Variants in ZFHX3 observed in about 807,000 individuals in gnomAD.
ZFHX3 encodes zinc finger homeobox protein 3.
In ZFHX3, 42 loss-of-function variants were observed where a neutral mutation model predicts 279.1. The observed-to-expected ratio is 0.15, with a 90% CI of 0.12 to 0.19. The LOEUF is 0.19. Among genes scored for constraint, ZFHX3 ranks in the 10% least tolerant of loss-of-function variants. The pLI is 1.00. For missense variants in ZFHX3, 4,981 were observed against 4,754.0 expected (o/e 1.05, Z -1.40); for synonymous variants, 2,293 against 1,957.8 (o/e 1.17, Z -4.52).
chr16:73,202,883 A>G (rs2011657838), intron 5 of ZFHX3, among the ~76,000 whole-genome samples: 1 of 145,770 alleles, frequency 6.9e-6, no homozygotes, highest in African/African-American at 2.5e-5. Context: ...CTGGGGTGCC[A>G]CAAGGCTTCA....
intron 8 of ZFHX3, 30 bp from the exon 9 acceptor site, chr16:72,798,744 A>C: frequency 6.6e-7 from 1 of 1,512,868 alleles, no homozygotes; most frequent in Non-Finnish European, 8.8e-7. Context: ...AATCAAACCC[A>C]AAGATAAAGA....
rs1245058223 is a variant in ZFHX3, at chr16:73,174,310, A to AC, written c.-1103-30480_-1103-30479insG. On this transcript the variant is annotated intron_variant, in intron 5 of 17. Coordinates refer to the ZFHX3 transcript ENST00000641206. ...AACAACAACAACAACAACAACAACAAAAGGAGGAATAAGGGCTGCCAAACC... is the reference window on the plus strand; with the variant it reads ...AACAACAACAACAACAACAACAACAACAAGGAGGAATAAGGGCTGCCAAACC... Among the ~76,000 whole-genome samples the AC allele has an allele frequency of 5.4e-4, 79 of 145,352 alleles. 1 individual carries two copies. Among genetic ancestry groups the AC allele is most frequent in the African/African-American group, 2.0e-3 (74 of 37,178 alleles).
intron 3 of ZFHX3, chr16:73,387,126 G>A (rs2016916908): frequency 6.6e-6 from 1 of 152,168 alleles, no homozygotes; most frequent in African/African-American, 2.4e-5. Context: ...CATATTGTAT[G>A]AGACTGTGTG....
rs775235842 is a variant in ZFHX3, at chr16:72,957,581, T to A, written c.2565A>T (p.Ser855=). 13 of 1,612,034 alleles carry A rather than the reference T, an allele frequency of 8.1e-6. No homozygotes were observed. Among genetic ancestry groups the A allele is most frequent in the Non-Finnish European group, 1.1e-5 (13 of 1,179,550 alleles). ...ATTGGTAGAGCTCGGCCTCGGCGGGTGAGGGCAGGCTGCCGAGGCCCAGGT... is the reference window on the plus strand; with the variant it reads ...ATTGGTAGAGCTCGGCCTCGGCGGGAGAGGGCAGGCTGCCGAGGCCCAGGT... ...NRHLGLGSLP[S]PAEAELYQYY... is the part of the protein sequence containing the mutation. Residue 855 remains serine (S), a synonymous_variant, in exon 2 of 10, where the codon TCA becomes TCT. Coordinates refer to ENST00000268489, the MANE Select transcript of ZFHX3 (RefSeq NM_006885.4).
At chr16:72,888,941 G>T (rs967824912) in intron 4 of ZFHX3, among the ~76,000 whole-genome samples, 5 of 152,178 alleles carry the variant, frequency 3.3e-5, no homozygotes, top group African/African-American at 1.2e-4. Context: ...GGTTTCTAAA[G>T]AGGTAAGTGA....
At chr16:73,040,885 C>T (rs775123730) in intron 1 of ZFHX3, among the ~76,000 whole-genome samples, 2 of 152,154 alleles carry the variant, frequency 1.3e-5, no homozygotes, top group Non-Finnish European at 1.5e-5. Flanking sequence ...ATTTTACAGA[C>T]GAAAGAAGTG....
intron 2 of ZFHX3, chr16:73,487,007 A>T: frequency 2.9e-6 from 1 of 343,538 alleles, no homozygotes; most frequent in South Asian, 2.4e-5. Flanking sequence ...TGGAAAAATA[A>T]GACTTATAAA....
chr16:73,789,535 G>C (rs1211892090), intron 1 of ZFHX3, among the ~76,000 whole-genome samples: 1 of 152,082 alleles, frequency 6.6e-6, no homozygotes, highest in Non-Finnish European at 1.5e-5. Flanking sequence ...TAATCTGTAG[G>C]TTCAAAACAC....
At chr16:73,740,118 A>C (rs2053642535) in intron 1 of ZFHX3, among the ~76,000 whole-genome samples, 1 of 152,176 alleles carries the variant, frequency 6.6e-6, no homozygotes, top group Non-Finnish European at 1.5e-5. Flanking sequence ...TAATTTAATT[A>C]AATGTCAACC....
At chr16:73,479,331 C>A (rs867330779) in intron 2 of ZFHX3, among the ~76,000 whole-genome samples, 7 of 152,186 alleles carry the variant, frequency 4.6e-5, no homozygotes, top group Admixed American at 1.3e-4. Context: ...CTTCCCATTC[C>A]AGGCTCTTCT....
chr16:73,885,235 AG>A (rs1192750791), intron 1 of ZFHX3, among the ~76,000 whole-genome samples: 7 of 152,242 alleles, frequency 4.6e-5, no homozygotes, highest in African/African-American at 9.6e-5. Flanking sequence ...AGGGTGAGAC[AG>A]GGGGGTATTA....
intron 4 of ZFHX3, among the ~76,000 whole-genome samples, chr16:73,288,925 C>T (rs1480444819): frequency 6.6e-6 from 1 of 150,386 alleles, no homozygotes; most frequent in African/African-American, 2.5e-5. Context: ...CTGCTATTAT[C>T]TTCAAGGGGA....
chr16:73,074,362 T>A (rs1050756336), intron 8 of ZFHX3, among the ~76,000 whole-genome samples: 4 of 152,122 alleles, frequency 2.6e-5, no homozygotes, highest in African/African-American at 9.7e-5. Context: ...ACCAAAATAA[T>A]AGCAACAAGA....
intron 4 of ZFHX3, among the ~76,000 whole-genome samples, chr16:72,869,244 G>A (rs936681599): frequency 6.6e-6 from 1 of 152,148 alleles, no homozygotes; most frequent in Non-Finnish European, 1.5e-5. Flanking sequence ...CCTGGCCCTG[G>A]AGCCTTCACT....
chr16:72,978,643 C>T (rs962730845), intron 1 of ZFHX3, among the ~76,000 whole-genome samples: 5 of 152,194 alleles, frequency 3.3e-5, no homozygotes, highest in African/African-American at 7.2e-5. Flanking sequence ...TGGGAGACAT[C>T]GTTGGACTCT....
At chr16:73,872,705 G>C (rs949220111) in intron 1 of ZFHX3, among the ~76,000 whole-genome samples, 5 of 130,434 alleles carry the variant, frequency 3.8e-5, no homozygotes, top group Non-Finnish European at 7.9e-5. Context: ...TAATTTCATG[G>C]AATGGAAACC....
chr16:73,254,423 T>C (rs2013602959), intron 5 of ZFHX3, among the ~76,000 whole-genome samples: 1 of 151,778 alleles, frequency 6.6e-6, no homozygotes, highest in Non-Finnish European at 1.5e-5. Context: ...CAACTGGAAT[T>C]GCTAATAATT....
At chr16:73,437,338 C>G (rs2018015123) in intron 3 of ZFHX3, among the ~76,000 whole-genome samples, 1 of 152,112 alleles carries the variant, frequency 6.6e-6, no homozygotes, top group South Asian at 2.1e-4. Context: ...ATTTAACTAG[C>G]AAACTACAAA....
chr16:73,047,255 C>A (rs970164832), intron 1 of ZFHX3, among the ~76,000 whole-genome samples: 1 of 151,964 alleles, frequency 6.6e-6, no homozygotes, highest in South Asian at 2.1e-4. Context: ...AATGCTCTGA[C>A]TTTTCCAAGA....
Sources: allele counts gnomAD v4.1 joint callset (sites outside exome capture counted in the v4.1 genomes callset), GRCh38; gene constraint gnomAD v4.1.1; transcripts MANE v1.5; gene names NCBI Gene and HGNC (gene_info 2026-07-23, HGNC 2026-07-21).